The following GBE1 variants were observed in gnomAD, a reference collection of about 807,000 sequenced individuals.
GBE1 encodes 1,4-alpha-glucan branching enzyme 1.
GBE1 carries 70 observed loss-of-function variants against 88.8 expected under a neutral mutation model. The ratio of observed to expected loss-of-function variants is 0.79; its 90% CI spans 0.65 to 0.96. The LOEUF (loss-of-function observed/expected upper bound fraction) is 0.96. Among genes scored for constraint, GBE1 ranks in the 40% least tolerant of loss-of-function variants. The pLI, the probability that GBE1 is intolerant of heterozygous loss-of-function variation, is 0.00. For synonymous variants in GBE1, 284 were observed against 300.1 expected (o/e 0.95, Z 0.56); for missense variants, 872 against 871.0 (o/e 1.00, Z -0.01).
At chr3:81,625,398 C>T (rs1233743496) in intron 7 of GBE1, among the ~76,000 whole-genome samples, 1 of 152,068 alleles carries the variant, frequency 6.6e-6, no homozygotes, top group Non-Finnish European at 1.5e-5. Flanking sequence ...TATTCCCTTA[C>T]ATCTTTCCTA....
intron 2 of GBE1, among the ~76,000 whole-genome samples, chr3:81,688,440 C>T (rs1041398879): frequency 6.6e-6 from 1 of 151,950 alleles, no homozygotes; most frequent in African/African-American, 2.4e-5. Context: ...AAGAAATTTT[C>T]ACCTTTTTAT....
At chr3:81,640,404 G>A (rs76347892) in intron 7 of GBE1, among the ~76,000 whole-genome samples, 206 of 152,044 alleles carry the variant, frequency 1.4e-3, no homozygotes, top group African/African-American at 4.8e-3. Flanking sequence ...TCCTGTCCTC[G>A]AATATCAAAT....
chr3:81,738,827 G>A (rs1056546157), intron 1 of GBE1, among the ~76,000 whole-genome samples: 3 of 152,084 alleles, frequency 2.0e-5, no homozygotes, highest in Admixed American at 2.0e-4. Flanking sequence ...CAAAATTAAG[G>A]GTTAGGAAAG....
At chr3:81,743,596 C>T in intron 1 of GBE1, 1 of 1,535,152 alleles carries the variant, frequency 6.5e-7, no homozygotes, top group Non-Finnish European at 8.7e-7. Flanking sequence ...AAGTTAGAAA[C>T]AGCTGTTAAT....
intron 14 of GBE1, among the ~76,000 whole-genome samples, chr3:81,524,181 A>G (rs1702911892): frequency 6.6e-6 from 1 of 151,836 alleles, no homozygotes; most frequent in South Asian, 2.1e-4. Context: ...TCTTTTGGAA[A>G]AAAGTTATTT....
chr3:81,602,104 A>G (rs1704040500), intron 7 of GBE1, among the ~76,000 whole-genome samples: 1 of 152,224 alleles, frequency 6.6e-6, no homozygotes, highest in South Asian at 2.1e-4. Flanking sequence ...TGAGGAAGTG[A>G]AGCTAAGCTT....
At chr3:81,547,696 G>A (rs1377705698) in intron 12 of GBE1, among the ~76,000 whole-genome samples, 1 of 149,440 alleles carries the variant, frequency 6.7e-6, no homozygotes, top group Non-Finnish European at 1.5e-5. Flanking sequence ...CTGGTTGAAT[G>A]AATGGTAAAA....
At chr3:81,699,356 GA>G (rs1705651718) in intron 2 of GBE1, among the ~76,000 whole-genome samples, 1 of 152,084 alleles carries the variant, frequency 6.6e-6, no homozygotes, top group African/African-American at 2.4e-5. Context: ...AAGATATCTA[GA>G]ATATCAAAAA....
Position 81,670,845 on chromosome 3 carries a change from T to C in GBE1, c.422A>G (p.Lys141Arg). Reference sequence around the variant, plus strand: ...TAGGAGGGAGGAAAGTACCTTTAATTTGGATCCATGAGGCACGAGTACAGA... The same window carrying C: ...TAGGAGGGAGGAAAGTACCTTTAATCTGGATCCATGAGGCACGAGTACAGA... Reference protein sequence around the residue: ...NKSVLVPHGSKLKVVITSKSG... With the variant: ...NKSVLVPHGSRLKVVITSKSG... Residue 141 changes from lysine to arginine, a missense_variant, in exon 3 of 16, where the codon AAA becomes AGA. Physicochemically the swap from Lys to Arg is conservative, Grantham distance 26. Transcript: ENST00000429644. 6.6e-7 allele frequency: 1 copy of C among 1,526,068 alleles called. No individual in the cohort carries two copies. The highest frequency in any genetic ancestry group is 8.8e-7 in the Non-Finnish European group (1 of 1,136,406). The allele number at this position is 1,526,068 out of a possible 1,614,324, so 94.5% of individuals were successfully genotyped here.
At chr3:81,503,417 G>C (rs1702615481) in intron 14 of GBE1, among the ~76,000 whole-genome samples, 1 of 152,166 alleles carries the variant, frequency 6.6e-6, no homozygotes, top group Admixed American at 6.5e-5. Context: ...TCTTGAGAAA[G>C]TGTATCACAA....
intron 9 of GBE1, among the ~76,000 whole-genome samples, chr3:81,587,053 C>A (rs1226716324): frequency 6.6e-6 from 1 of 152,020 alleles, no homozygotes; most frequent in Non-Finnish European, 1.5e-5. Context: ...ACTCCCATCT[C>A]GGCCTCCCAA....
intron 2 of GBE1, among the ~76,000 whole-genome samples, chr3:81,690,301 CT>C (rs1705502121): frequency 6.6e-6 from 1 of 152,224 alleles, no homozygotes; most frequent in East Asian, 1.9e-4. Context: ...CATACTTCGT[CT>C]CTAAATTCCT....
chr3:81,720,358 GTGTGTATA>G (rs1706008602), intron 1 of GBE1, among the ~76,000 whole-genome samples: 1 of 146,552 alleles, frequency 6.8e-6, no homozygotes, highest in African/African-American at 2.6e-5. Flanking sequence ...ATGTGTGTGT[GTGTGTATA>G]TATATATATA....
intron 8 of GBE1, 29 bp downstream of exon 8, chr3:81,593,879 C>G (rs1703916057): frequency 2.5e-6 from 3 of 1,195,018 alleles, no homozygotes; most frequent in African/African-American, 1.5e-5. Context: ...TGCAATTAAC[C>G]CCAAACCTGA....
chr3:81,734,273 G>A (rs942605542), intron 1 of GBE1, among the ~76,000 whole-genome samples: 3 of 152,098 alleles, frequency 2.0e-5, no homozygotes, highest in Non-Finnish European at 4.4e-5. Flanking sequence ...ATTCAAAAAT[G>A]AAGCTCAAGT....
chr3:81,584,715 A>T (rs1005766842), intron 10 of GBE1, among the ~76,000 whole-genome samples: 3 of 151,598 alleles, frequency 2.0e-5, no homozygotes, highest in Non-Finnish European at 4.4e-5. Context: ...TGCCTAATGC[A>T]TTACCTTCAT....
chr3:81,648,827 T>A, intron 5 of GBE1, 29 bp downstream of exon 5: 2 of 1,353,694 alleles, frequency 1.5e-6, no homozygotes, highest in South Asian at 3.2e-5. Flanking sequence ...TAAAATTTTA[T>A]CTGAATAAAA....
intron 2 of GBE1, among the ~76,000 whole-genome samples, chr3:81,678,910 G>A (rs1292343902): frequency 6.6e-6 from 1 of 152,088 alleles, no homozygotes; most frequent in African/African-American, 2.4e-5. Flanking sequence ...ATTTTAATAA[G>A]GATGATAAGA....
At chr3:81,552,598 T>C (rs1186538383) in intron 12 of GBE1, among the ~76,000 whole-genome samples, 1 of 145,556 alleles carries the variant, frequency 6.9e-6, no homozygotes, top group African/African-American at 2.5e-5. Flanking sequence ...GCAATGTCCA[T>C]AAGTGCAAAA....
Sources: gnomAD v4.1 joint callset for allele counts (sites outside exome capture counted in the v4.1 genomes callset) on GRCh38, gnomAD v4.1.1 for gene constraint, MANE v1.5 for transcripts, NCBI Gene and HGNC (gene_info 2026-07-23, HGNC 2026-07-21) for gene names.